Variants in SPNS2 observed in about 807,000 individuals in gnomAD.
SPNS2 encodes SPNS lysolipid transporter 2, sphingosine-1-phosphate, also known as sphingosine-1-phosphate transporter SPNS2.
A neutral mutation model predicts 57.6 loss-of-function variants in SPNS2; 37 were observed. The ratio of observed to expected loss-of-function variants is 0.64; its 90% CI spans 0.49 to 0.85. SPNS2 has a LOEUF of 0.85. SPNS2 is among the 40% of genes least tolerant of loss of function. SPNS2 has a pLI of 0.00. For synonymous variants in SPNS2, 440 were observed against 346.9 expected (o/e 1.27, Z -2.98); for missense variants, 831 against 779.1 (o/e 1.07, Z -0.79).
intron 3 of SPNS2, among the ~76,000 whole-genome samples, chr17:4,527,594 C>T (rs963993966): frequency 2.0e-5 from 3 of 152,200 alleles, no homozygotes; most frequent in African/African-American, 7.2e-5. Context: ...TAGCTACAGA[C>T]AGTTTCAGGA....
In SPNS2 at chr17:4,536,432, TGGG is replaced by T. The variant is rs3053652; in HGVS notation, c.1607+11_1607+13del. The T allele has an allele frequency of 1.8e-5, 28 of 1,578,656 alleles. No homozygotes were observed. The highest frequency in any genetic ancestry group is 5.2e-5 in the Admixed American group (3 of 57,814). ...CGCGCCAGGGCTGAGCAGCAGTGAGTGGGGGGGAGGGGAGGCCCTGCTGCACCG... is the reference window on the plus strand; with the variant it reads ...CGCGCCAGGGCTGAGCAGCAGTGAGTGGGGAGGGGAGGCCCTGCTGCACCG... On this transcript the variant is annotated splice_region_variant and intron_variant, in intron 11 of 12. Coordinates refer to ENST00000329078, the MANE Select transcript of SPNS2 (RefSeq NM_001124758.3).
At position 4,512,387 on chromosome 17, in the gene SPNS2, C is replaced by G. The variant is rs1859812430; in HGVS notation, c.371-860C>G. On this transcript the variant is annotated intron_variant, in intron 1 of 12. Transcript: ENST00000329078. This position sits in a 1 kb window ranked among gnomAD's most constrained non-coding sequence, Gnocchi z 5.2. Reference sequence around the variant, plus strand: ...AGGAGGTCCAAGATCCTGCCTGTCCCCCAGAAGCCATGGCTCTGCCAGTCT... The same window carrying G: ...AGGAGGTCCAAGATCCTGCCTGTCCGCCAGAAGCCATGGCTCTGCCAGTCT... Among the ~76,000 whole-genome samples, 1 of 151,956 alleles carries G rather than the reference C, an allele frequency of 6.6e-6. No homozygotes were observed. Among genetic ancestry groups the G allele is most frequent in the African/African-American group, 2.4e-5 (1 of 41,352 alleles).
At chr17:4,530,159 C>T (rs189258467) in intron 3 of SPNS2, among the ~76,000 whole-genome samples, 13 of 151,742 alleles carry the variant, frequency 8.6e-5, no homozygotes, top group Admixed American at 3.3e-4. Flanking sequence ...CAACGCCCCA[C>T]TCCCCACTCC....
intron 1 of SPNS2, among the ~76,000 whole-genome samples, chr17:4,507,636 A>C (rs1034890883): frequency 2.6e-5 from 4 of 152,214 alleles, no homozygotes; most frequent in African/African-American, 9.7e-5. Context: ...CAGGATTTAA[A>C]CCCAGATGCT....
At chr17:4,533,670 C>T in intron 8 of SPNS2, 118 bp from the exon 9 acceptor site, 2 of 1,214,444 alleles carry the variant, frequency 1.6e-6, no homozygotes, top group Non-Finnish European at 2.4e-6. Context: ...GGATGTGGGC[C>T]CGGGAGGGGT....
At chr17:4,523,024 A>C (rs561231043) in intron 2 of SPNS2, among the ~76,000 whole-genome samples, 115 of 152,274 alleles carry the variant, frequency 7.6e-4, no homozygotes, top group African/African-American at 2.6e-3. Context: ...CTCCTCCAAC[A>C]TGCTAAGTAA....
rs1185279693 is a variant in SPNS2 at position 4,531,399 on chromosome 17, C to T, written c.792+280C>T. On this transcript the variant is annotated intron_variant, in intron 5 of 12. Coordinates refer to ENST00000329078, the MANE Select transcript of SPNS2 (RefSeq NM_001124758.3). ...CCCGGGAGTCCCAGGTTGAGAGAAC[C>T]AAGGATTCTCCCACCACGTCAGGAA... Among the ~76,000 whole-genome samples the T allele has an allele frequency of 2.0e-5, 3 of 152,102 alleles. No individual in the cohort carries two copies. In the East Asian group the frequency reaches 5.8e-4, roughly 30 times the overall value.
At chr17:4,504,442 C>T (rs1450245856) in intron 1 of SPNS2, among the ~76,000 whole-genome samples, 1 of 152,088 alleles carries the variant, frequency 6.6e-6, no homozygotes, top group East Asian at 1.9e-4. Context: ...AAACATAGTA[C>T]CTTGGTCTGG....
chr17:4,522,011 C>T (rs1905151553), intron 2 of SPNS2, among the ~76,000 whole-genome samples: 1 of 152,164 alleles, frequency 6.6e-6, no homozygotes, highest in East Asian at 1.9e-4. Context: ...CCAGCCTGGC[C>T]AACATGGCAA....
chr17:4,499,044 C>A lies in SPNS2; in HGVS notation c.-4C>A, dbSNP rs1419464039. On this transcript the variant is annotated 5_prime_UTR_variant, in exon 1 of 13. Transcript: ENST00000329078. The surrounding 1 kb of genome is among the most constrained non-coding windows in gnomAD (Gnocchi z 5.2). The stretch of plus-strand genomic sequence containing the variant: ...CGCCCCCCGCCGCCCCGATCCGGGC[C>A]GGCATGATGTGCCTGGAATGCGCCT... 9.9e-7 allele frequency: 1 copy of A among 1,008,770 alleles called. No individual in the cohort carries two copies. The highest frequency in any genetic ancestry group is 1.2e-6 in the Non-Finnish European group (1 of 847,024). 62.5% of individuals were successfully genotyped at this position (1,008,770 alleles called of 1,614,324 possible).
chr17:4,535,308 C>T (rs374111374), intron 9 of SPNS2, among the ~76,000 whole-genome samples: 26 of 152,284 alleles, frequency 1.7e-4, no homozygotes, highest in East Asian at 3.9e-4. Flanking sequence ...CGGGTGCGAG[C>T]GGAGGCTCTT....
At chr17:4,509,840 G>A (rs778348853) in intron 1 of SPNS2, among the ~76,000 whole-genome samples, 16 of 152,262 alleles carry the variant, frequency 1.1e-4, no homozygotes, top group Non-Finnish European at 1.9e-4. Flanking sequence ...TTGTGGCTGT[G>A]TTGGCTGGGG....
intron 2 of SPNS2, among the ~76,000 whole-genome samples, chr17:4,517,735 CAG>C (rs1359463601): frequency 1.3e-5 from 2 of 152,066 alleles, no homozygotes; most frequent in Non-Finnish European, 2.9e-5. Context: ...GATGGGAAAA[CAG>C]ATTCGTCACA....
At chr17:4,501,340 G>A (rs1306577149) in intron 1 of SPNS2, among the ~76,000 whole-genome samples, 3 of 152,162 alleles carry the variant, frequency 2.0e-5, no homozygotes, top group African/African-American at 4.8e-5. Flanking sequence ...GTGGGATCAG[G>A]GAGGGCTGGC....
chr17:4,537,261 T>C (rs1373137796), intron 12 of SPNS2, among the ~76,000 whole-genome samples, 192 bp from the exon 13 acceptor site: 2 of 152,356 alleles, frequency 1.3e-5, no homozygotes, highest in East Asian at 1.9e-4. Flanking sequence ...TCCTCCTGGA[T>C]GTACCAGGGC....
intron 2 of SPNS2, among the ~76,000 whole-genome samples, chr17:4,517,486 C>T (rs1324261017): frequency 1.3e-5 from 2 of 152,146 alleles, no homozygotes; most frequent in African/African-American, 2.4e-5. Context: ...TGGTGAACCC[C>T]ATCTCTACTA....
intron 2 of SPNS2, among the ~76,000 whole-genome samples, chr17:4,523,986 A>C (rs1220787834): frequency 6.6e-6 from 1 of 152,192 alleles, no homozygotes; most frequent in Non-Finnish European, 1.5e-5. Context: ...TTGTAGGTAC[A>C]AAAAAATTGT....
chr17:4,537,381 G>C, intron 12 of SPNS2, 72 bp from the exon 13 acceptor site: 2 of 394,642 alleles, frequency 5.1e-6, no homozygotes. Context: ...AGCAAGAAAA[G>C]GGAAGGAGGG....
Position 4,533,068 on chromosome 17 carries a change from G to A in SPNS2, c.1027G>A (p.Ala343Thr), listed in dbSNP as rs565424415. The A allele has an allele frequency of 9.9e-6, 16 of 1,613,240 alleles. No homozygotes were observed. Among genetic ancestry groups the A allele is most frequent in the Admixed American group, 5.0e-5 (3 of 59,998 alleles). ...GMWIPLYLHR[A>T]QVVQKTAETC... ...GTGGATCCCGCTCTACCTGCACCGC[G>A]CCCAAGTTGTGCAGAAGACAGCAGA... The change falls in exon 7 of 13, where the codon GCC (alanine) becomes ACC (threonine). Residue 343 changes from alanine to threonine, a missense_variant. Ala to Thr is a moderately conservative substitution (Grantham distance 58). Around this residue, in one of 2 missense-constraint regions of SPNS2, gnomAD observed 526 missense variants for 400.9 expected, o/e 1.31. Transcript: ENST00000329078.
Sources: gnomAD v4.1 joint callset for allele counts (sites outside exome capture counted in the v4.1 genomes callset) on GRCh38, gnomAD v4.1.1 for gene constraint, gnomAD v4.1.1 regional missense constraint, Gnocchi (gnomAD v3.1) non-coding constraint, MANE v1.5 for transcripts, NCBI Gene and HGNC (gene_info 2026-07-23, HGNC 2026-07-21) for gene names.